ATP2B4: variants seen among roughly 807,000 people sequenced by gnomAD.
ATP2B4 encodes the protein plasma membrane calcium-transporting ATPase 4.
Under a neutral mutation model 110.3 loss-of-function variants are expected in ATP2B4, and 39 were observed. The ratio of observed to expected loss-of-function variants is 0.35; its 90% CI spans 0.27 to 0.46. The LOEUF is 0.46. ATP2B4 is among the 20% of genes least tolerant of loss of function. ATP2B4 has a pLI of 1.00. For missense variants in ATP2B4, 1,135 were observed against 1,530.9 expected, an observed-to-expected ratio of 0.74 and a Z score of 4.32; for synonymous variants, 538 against 571.7, an observed-to-expected ratio of 0.94 and a Z score of 0.84.
At chr1:203,678,244 T>A (rs545954130) in intron 1 of ATP2B4, among the ~76,000 whole-genome samples, 1 of 152,328 alleles carries the variant, frequency 6.6e-6, no homozygotes, top group South Asian at 2.1e-4. Context: ...TTTTTCCTCA[T>A]AGTTTGGGGA....
intron 17 of ATP2B4, among the ~76,000 whole-genome samples, chr1:203,722,208 G>A (rs930236640): frequency 5.1e-4 from 78 of 152,060 alleles, no homozygotes; most frequent in African/African-American, 1.6e-3. Flanking sequence ...GGTGGTGCAC[G>A]CCTGTAGTCC....
At chr1:203,731,488 C>G (rs138946171) in intron 20 of ATP2B4, among the ~76,000 whole-genome samples, 109 of 152,166 alleles carry the variant, frequency 7.2e-4, no homozygotes, top group Non-Finnish European at 9.6e-4. Context: ...TGATTTTGTC[C>G]TTGTTACTTA....
Position 203,711,003 on chromosome 1 carries a change from C to T in ATP2B4, c.1926C>T (p.Tyr642=). Residue 642 remains tyrosine, a synonymous_variant, in exon 12 of 21, where the codon TAC becomes TAT. Coordinates refer to ENST00000357681, the MANE Select transcript of ATP2B4 (RefSeq NM_001684.5). The part of the protein sequence containing the change: ...CDGLRTICIA[Y]RDFDDTEPSW... ...GACTCCGGACTATCTGCATAGCTTA[C>T]CGGGACTTCGATGACACAGAGCCCT... 3.1e-6 allele frequency: 5 copies of T among 1,614,116 alleles called. No homozygotes were observed. Among genetic ancestry groups the T allele is most frequent in the Non-Finnish European group, 8.5e-7 (1 of 1,180,000 alleles).
chr1:203,668,221 G>A (rs752766323), intron 1 of ATP2B4, among the ~76,000 whole-genome samples: 1 of 152,124 alleles, frequency 6.6e-6, no homozygotes, highest in Non-Finnish European at 1.5e-5. Flanking sequence ...AGTTGGGTAG[G>A]ACTAGCTTAT....
At chr1:203,693,955 G>C (rs1011326934) in intron 2 of ATP2B4, among the ~76,000 whole-genome samples, 10 of 152,154 alleles carry the variant, frequency 6.6e-5, no homozygotes, top group Admixed American at 6.5e-5. Context: ...AGCGTCCTCT[G>C]TATCTAGGTT....
chr1:203,715,180 T>C (rs142290118), intron 15 of ATP2B4, among the ~76,000 whole-genome samples: 23,193 of 149,012 alleles, frequency 0.16, 1,888 homozygotes, highest in South Asian at 0.24. Flanking sequence ...GAGGCTGAGG[T>C]AGGAGAATCA....
intron 1 of ATP2B4, among the ~76,000 whole-genome samples, chr1:203,654,223 A>T (rs1037966340): frequency 6.6e-6 from 1 of 151,920 alleles, no homozygotes; most frequent in Admixed American, 6.6e-5. Flanking sequence ...ACCTCAGGTG[A>T]TCTGCCCACC....
intron 1 of ATP2B4, among the ~76,000 whole-genome samples, chr1:203,632,643 T>C (rs1448136588): frequency 6.6e-6 from 1 of 151,126 alleles, no homozygotes; most frequent in Non-Finnish European, 1.5e-5. Flanking sequence ...ACGCCTGGCC[T>C]AATTTAAGTA....
chr1:203,702,197 T>C (rs1224292450), intron 7 of ATP2B4, 118 bp downstream of exon 7: 1 of 1,286,798 alleles, frequency 7.8e-7, no homozygotes, highest in African/African-American at 1.5e-5. Flanking sequence ...CTGCTGTGGC[T>C]CAGATGCCTC....
chr1:203,647,261 A>C (rs1458979100), intron 1 of ATP2B4, among the ~76,000 whole-genome samples: 1 of 151,872 alleles, frequency 6.6e-6, no homozygotes, highest in Non-Finnish European at 1.5e-5. Context: ...AGACTCCGTC[A>C]CTTAAAAAAA....
At position 203,739,746 on chromosome 1, in the gene ATP2B4, TG is replaced by T; in HGVS notation, c.3512del (p.Gly1171ValfsTer31). On this transcript the variant is annotated frameshift_variant, in exon 21 of 21. Transcript: ENST00000357681. LOFTEE classifies it high-confidence loss of function. ...TTGGGACTAGGGTGCTCCTGTTGGA[TG>T]GTGAGGTCACTCCATATGCCAATAC... is the stretch of plus-strand genomic sequence containing the variant. ...KFGTRVLLLD[G>X]EVTPYANTNN... 1 of 1,614,152 alleles carries T rather than the reference TG, an allele frequency of 6.2e-7. No homozygotes were observed. Among genetic ancestry groups the T allele is most frequent in the Non-Finnish European group, 8.5e-7 (1 of 1,180,016 alleles).
chr1:203,730,886 G>A (rs531538480), intron 20 of ATP2B4, among the ~76,000 whole-genome samples: 14 of 152,328 alleles, frequency 9.2e-5, no homozygotes, highest in Non-Finnish European at 1.9e-4. Context: ...TGAGGCTAAT[G>A]ATGCTAACGT....
intron 1 of ATP2B4, among the ~76,000 whole-genome samples, chr1:203,675,810 T>C (rs1160658611): frequency 2.0e-5 from 3 of 152,130 alleles, no homozygotes; most frequent in African/African-American, 7.2e-5. Context: ...CTCTCAAGTC[T>C]GTTTTCTCAA....
chr1:203,631,458 G>A (rs1349929477), intron 1 of ATP2B4, among the ~76,000 whole-genome samples: 2 of 152,190 alleles, frequency 1.3e-5, no homozygotes, highest in East Asian at 1.9e-4. Context: ...GGAGCAGTGC[G>A]TTTATTGGTA....
rs972850669 is a variant in ATP2B4, at chr1:203,683,048, G to A, written c.-158G>A. 1.4e-6 allele frequency: 1 copy of A among 732,226 alleles called. No individual in the cohort carries two copies. Among genetic ancestry groups the A allele is most frequent in the African/African-American group, 1.8e-5 (1 of 56,904 alleles). The allele number at this position is 732,226 out of a possible 1,614,324, so 45.4% of individuals were successfully genotyped here. On this transcript the variant is annotated 5_prime_UTR_variant, in exon 2 of 21. Coordinates refer to ENST00000357681, the MANE Select transcript of ATP2B4 (RefSeq NM_001684.5). ...ATCTAGACTTCGGACGGCTACTCGG[G>A]AGCTTATTGCACAAGATATATTCAA... is the stretch of plus-strand genomic sequence containing the variant.
chr1:203,657,712 G>A lies in ATP2B4; in HGVS notation c.-464-25030G>A, dbSNP rs182371551. 9.6e-5 allele frequency: 72 copies of A among 751,798 alleles called. No individual in the cohort carries two copies. The East Asian group carries it at 1.6e-3, about 17-fold the overall frequency. 46.6% of individuals were successfully genotyped at this position (751,798 alleles called of 1,614,324 possible). On this transcript the variant is annotated intron_variant, in intron 1 of 20. Coordinates refer to ENST00000357681, the MANE Select transcript of ATP2B4 (RefSeq NM_001684.5). ...CTTTTCTTCTCATGGTAATCCAAAC[G>A]GTATCCATAGTGTTTATGGTGTAAT...
Position 203,724,835 on chromosome 1 carries a change from G to A in ATP2B4, c.3132+847G>A, listed in dbSNP as rs187766457. Among the ~76,000 whole-genome samples the A allele has an allele frequency of 2.2e-3, 333 of 149,376 alleles. 5 individuals are homozygous for A. The highest frequency in any genetic ancestry group is 1.8e-3 in the Non-Finnish European group (119 of 67,462). ...CTGTGGTTCAGAGCATGGACTCTGGGAATGACTGCCTGGGTTTGAATCCAG... is the reference window on the plus strand; with the variant it reads ...CTGTGGTTCAGAGCATGGACTCTGGAAATGACTGCCTGGGTTTGAATCCAG... On this transcript the variant is annotated intron_variant, in intron 19 of 20. Coordinates refer to ENST00000357681, the MANE Select transcript of ATP2B4 (RefSeq NM_001684.5).
chr1:203,698,782 G>A (rs564939222), intron 3 of ATP2B4, among the ~76,000 whole-genome samples: 4 of 152,054 alleles, frequency 2.6e-5, no homozygotes, highest in East Asian at 1.9e-4. Context: ...GATTACAGGC[G>A]TGTGCCATCA....
chr1:203,733,329 A>G (rs758776449), intron 20 of ATP2B4: 1 of 1,614,140 alleles, frequency 6.2e-7, no homozygotes, highest in Non-Finnish European at 8.5e-7. Context: ...AGTTCATCCT[A>G]TGTAGCAGTT....
Sources: allele counts gnomAD v4.1 joint callset (sites outside exome capture counted in the v4.1 genomes callset), GRCh38; gene constraint gnomAD v4.1.1; transcripts MANE v1.5; gene names NCBI Gene and HGNC (gene_info 2026-07-23, HGNC 2026-07-21).